Variants in RTTN observed in about 807,000 individuals in gnomAD.
RTTN encodes rotatin.
Under a neutral mutation model 269.2 loss-of-function variants are expected in RTTN, and 182 were observed. The observed-to-expected ratio is 0.68, with a 90% CI of 0.60 to 0.76. The LOEUF is 0.76. Ranked by LOEUF, RTTN falls within the 30% of genes least tolerant of loss-of-function variation. The pLI is 0.00. For synonymous variants in RTTN, 1,006 were observed against 963.5 expected, an observed-to-expected ratio of 1.04 and a Z score of -0.82; for missense variants, 2,545 against 2,608.6, an observed-to-expected ratio of 0.98 and a Z score of 0.53.
At chr18:70,134,039 C>T (rs1319058635) in intron 23 of RTTN, among the ~76,000 whole-genome samples, 1 of 151,946 alleles carries the variant, frequency 6.6e-6, no homozygotes, top group Non-Finnish European at 1.5e-5. Flanking sequence ...CATATTGTAG[C>T]AGTTATGTAG....
intron 26 of RTTN, among the ~76,000 whole-genome samples, chr18:70,119,641 A>G (rs951968603): frequency 2.0e-5 from 3 of 152,232 alleles, no homozygotes; most frequent in African/African-American, 7.2e-5. Flanking sequence ...TTATCTATTT[A>G]TAAAACCACA....
chr18:70,063,692 C>T (rs2058053302), intron 35 of RTTN, among the ~76,000 whole-genome samples: 1 of 152,146 alleles, frequency 6.6e-6, no homozygotes. Flanking sequence ...TATTACATAT[C>T]TTCAGCACTT....
intron 28 of RTTN, among the ~76,000 whole-genome samples, chr18:70,103,539 A>C (rs1001227076): frequency 2.0e-5 from 3 of 152,038 alleles, no homozygotes; most frequent in African/African-American, 7.3e-5. Flanking sequence ...GTGCTTTGTT[A>C]AACAGATGCT....
At chr18:70,116,703 T>G (rs1006759548) in intron 26 of RTTN, among the ~76,000 whole-genome samples, 1 of 152,118 alleles carries the variant, frequency 6.6e-6, no homozygotes, top group Non-Finnish European at 1.5e-5. Context: ...ATGGCTCATT[T>G]TGTTTACACA....
chr18:70,142,367 TA>T lies in RTTN; in HGVS notation c.2501del (p.Val834AspfsTer14). 1 of 1,596,796 alleles carries T rather than the reference TA, an allele frequency of 6.3e-7. No homozygotes were observed. On this transcript the variant is annotated frameshift_variant, in exon 19 of 49. Transcript: ENST00000640769. LOFTEE classifies it high-confidence loss of function. ...CATCATCTGAGGTGAAGATTTCATA[TA>T]CCTTTTCAACAGTCTCCAACTACAA... ...LVIKLETVEK[V>X]YEIFTSDDVD...
intron 28 of RTTN, among the ~76,000 whole-genome samples, chr18:70,107,560 G>A (rs2059353275): frequency 6.6e-6 from 1 of 152,214 alleles, no homozygotes; most frequent in African/African-American, 2.4e-5. Flanking sequence ...GCCATGCTTA[G>A]AGGATTAGAG....
At chr18:70,132,257 T>TGTGTGA (rs2145650768) in intron 23 of RTTN, among the ~76,000 whole-genome samples, 1 of 152,140 alleles carries the variant, frequency 6.6e-6, no homozygotes, top group Admixed American at 6.6e-5. Context: ...TATAATAAAG[T>TGTGTGA]AGACACAGGG....
intron 28 of RTTN, among the ~76,000 whole-genome samples, chr18:70,102,561 G>A (rs2145363919): frequency 6.6e-6 from 1 of 152,252 alleles, no homozygotes; most frequent in South Asian, 2.1e-4. Context: ...GGAGCATTTA[G>A]ACCATTTACA....
At chr18:70,144,324 A>G (rs1277773408) in intron 18 of RTTN, among the ~76,000 whole-genome samples, 3 of 152,174 alleles carry the variant, frequency 2.0e-5, no homozygotes, top group Non-Finnish European at 4.4e-5. Context: ...TTGCTCCCAG[A>G]AGCCACCAGC....
rs17805883 is a variant in RTTN at position 70,057,604 on chromosome 18, G to A, written c.5031+138C>T. 2.0e-4 allele frequency: 121 copies of A among 607,840 alleles called. 3 individuals carry two copies. Among genetic ancestry groups the A allele is most frequent in the South Asian group, 1.7e-3 (74 of 44,654 alleles). 37.7% of individuals were successfully genotyped at this position (607,840 alleles called of 1,614,324 possible). On this transcript the variant is annotated intron_variant, in intron 37 of 48. Transcript: ENST00000640769. ...GTCCCATATTAAAATTTCAAGTAAC[G>A]TATTTCGAATAATCTCATCATACCA...
At chr18:70,106,329 G>A (rs965924443) in intron 28 of RTTN, among the ~76,000 whole-genome samples, 18 of 151,830 alleles carry the variant, frequency 1.2e-4, no homozygotes, top group African/African-American at 3.2e-4. Context: ...TGAGCAACAC[G>A]GTAAACCCTG....
chr18:70,146,924 C>CCTCAAGAGAG (rs1366819108), intron 17 of RTTN, among the ~76,000 whole-genome samples: 1 of 152,180 alleles, frequency 6.6e-6, no homozygotes, highest in African/African-American at 2.4e-5. Flanking sequence ...TCCTGAGTTA[C>CCTCAAGAGAG]CTCAAGAGAG....
At chr18:70,176,164 C>T (rs1347666418) in intron 11 of RTTN, among the ~76,000 whole-genome samples, 1 of 151,476 alleles carries the variant, frequency 6.6e-6, no homozygotes, top group Non-Finnish European at 1.5e-5. Flanking sequence ...CAAACATATA[C>T]ATGTATATGT....
chr18:70,150,800 CTTCT>C, intron 14 of RTTN, 67 bp from the exon 15 acceptor site: 1 of 1,304,868 alleles, frequency 7.7e-7, no homozygotes. Context: ...ATCCATCTTT[CTTCT>C]GTTTACAATC....
intron 25 of RTTN, among the ~76,000 whole-genome samples, chr18:70,124,223 T>C (rs540452051): frequency 6.6e-6 from 1 of 152,104 alleles, no homozygotes; most frequent in East Asian, 1.9e-4. Flanking sequence ...TCAGGTACAG[T>C]CTAAAAGAAC....
At chr18:70,145,423 GGGA>G (rs2060363635) in intron 18 of RTTN, among the ~76,000 whole-genome samples, 186 bp downstream of exon 18, 2 of 152,028 alleles carry the variant, frequency 1.3e-5, no homozygotes, top group Admixed American at 1.3e-4. Context: ...CAAAAAGGTT[GGGA>G]CCACTGCAAT....
At chr18:70,141,266 C>T (rs145962633) in intron 19 of RTTN, among the ~76,000 whole-genome samples, 1,876 of 152,190 alleles carry the variant, frequency 0.012, 23 homozygotes, top group South Asian at 0.038. Flanking sequence ...TACATAAACT[C>T]AAAGTTATCA....
chr18:70,061,697 C>T (rs967370727), intron 35 of RTTN, among the ~76,000 whole-genome samples: 16 of 152,070 alleles, frequency 1.1e-4, no homozygotes, highest in African/African-American at 3.1e-4. Flanking sequence ...ATGAACCAGG[C>T]ATGGCGGCAC....
chr18:70,030,065 C>A lies in RTTN; in HGVS notation c.5692G>T (p.Ala1898Ser), dbSNP rs777726656. 2 of 1,612,852 alleles carry A rather than the reference C, an allele frequency of 1.2e-6. No individual in the cohort carries two copies. The highest frequency in any genetic ancestry group is 1.7e-5 in the Admixed American group (1 of 59,974). ...CTCAGAGAATCTAGGTTCAGTTGTG[C>A]ATTTATGTGTTTCATCTGCTCCATG... ...NCMEQMKHIN[A>S]QLNLDSLRPG... Residue 1898 changes from alanine to serine, a missense_variant, in exon 42 of 49, where the codon GCA becomes TCA. Physicochemically the swap from Ala to Ser is moderately conservative, Grantham distance 99. Transcript: ENST00000640769.
Sources: allele counts gnomAD v4.1 joint callset (sites outside exome capture counted in the v4.1 genomes callset), GRCh38; gene constraint gnomAD v4.1.1; transcripts MANE v1.5; gene names NCBI Gene and HGNC (gene_info 2026-07-23, HGNC 2026-07-21).